SLC25A21: variants seen among roughly 807,000 people sequenced by gnomAD.
The protein encoded by SLC25A21 is solute carrier family 25 member 21, also known as mitochondrial 2-oxodicarboxylate carrier.
In SLC25A21, 47 loss-of-function variants were observed where a neutral mutation model predicts 43.8. The ratio of observed to expected loss-of-function variants is 1.07; its 90% confidence interval spans 0.85 to 1.37. The LOEUF (loss-of-function observed/expected upper bound fraction) is 1.37. Among genes scored for constraint, SLC25A21 ranks in the 40% most tolerant of loss-of-function variants. The pLI is 0.00. For missense variants in SLC25A21, 352 were observed against 350.2 expected (o/e 1.00, Z -0.04); for synonymous variants, 131 against 121.3 (o/e 1.08, Z -0.52).
At chr14:37,155,962 C>T (rs1963840994) in intron 1 of SLC25A21, among the ~76,000 whole-genome samples, 1 of 151,898 alleles carries the variant, frequency 6.6e-6, no homozygotes, top group South Asian at 2.1e-4. Context: ...AGTTTGAGAC[C>T]AGCCTGGCCA....
chr14:36,841,769 C>T (rs968629972), intron 2 of SLC25A21, among the ~76,000 whole-genome samples: 2 of 152,166 alleles, frequency 1.3e-5, no homozygotes, highest in African/African-American at 4.8e-5. Flanking sequence ...CAACAACCTC[C>T]AAAATCTGTC....
intron 1 of SLC25A21, among the ~76,000 whole-genome samples, chr14:37,077,239 G>A (rs979927218): frequency 6.6e-6 from 1 of 152,188 alleles, no homozygotes; most frequent in Admixed American, 6.5e-5. Context: ...AAAATAAACA[G>A]AAGACTTTGT....
intron 2 of SLC25A21, among the ~76,000 whole-genome samples, chr14:36,850,624 A>G (rs545581183): frequency 7.2e-5 from 11 of 152,136 alleles, no homozygotes; most frequent in Non-Finnish European, 1.3e-4. Flanking sequence ...ATCCTGGAAA[A>G]GTAGTTGATA....
intron 1 of SLC25A21, 121 bp downstream of exon 1, chr14:37,172,160 A>C: frequency 2.7e-4 from 259 of 969,006 alleles, no homozygotes; most frequent in Non-Finnish European, 3.6e-4. Context: ...CTGCTCCGGG[A>C]GCGCTGAATT....
At chr14:37,031,764 G>A (rs752668347) in intron 1 of SLC25A21, among the ~76,000 whole-genome samples, 2 of 152,156 alleles carry the variant, frequency 1.3e-5, no homozygotes, top group Non-Finnish European at 2.9e-5. Flanking sequence ...TCATTCCACA[G>A]CCATCATTTT....
At chr14:37,018,174 A>C (rs1180060004) in intron 1 of SLC25A21, among the ~76,000 whole-genome samples, 1 of 152,012 alleles carries the variant, frequency 6.6e-6, no homozygotes, top group Admixed American at 6.6e-5. Flanking sequence ...TTATAGTATA[A>C]TCTTTTCTTT....
chr14:36,861,343 G>A (rs1243725160), intron 2 of SLC25A21, among the ~76,000 whole-genome samples: 1 of 152,224 alleles, frequency 6.6e-6, no homozygotes, highest in African/African-American at 2.4e-5. Flanking sequence ...GCCTTCCGCT[G>A]TGCTAGAATC....
intron 1 of SLC25A21, among the ~76,000 whole-genome samples, chr14:37,056,216 C>T (rs994904753): frequency 8.5e-5 from 13 of 152,102 alleles, no homozygotes; most frequent in Non-Finnish European, 1.6e-4. Flanking sequence ...CTCGGCCGGG[C>T]GCTGTGGCTC....
At chr14:37,135,023 G>A (rs543543373) in intron 1 of SLC25A21, among the ~76,000 whole-genome samples, 1 of 151,842 alleles carries the variant, frequency 6.6e-6, no homozygotes, top group Admixed American at 6.6e-5. Context: ...CACCTCACAG[G>A]TTCAAGCGAT....
At chr14:36,802,582 G>T (rs919850569) in intron 3 of SLC25A21, among the ~76,000 whole-genome samples, 5 of 152,166 alleles carry the variant, frequency 3.3e-5, no homozygotes, top group African/African-American at 9.6e-5. Flanking sequence ...CTTCCAAGTG[G>T]AATTCTAATC....
chr14:36,776,400 C>G (rs1342911772), intron 3 of SLC25A21, among the ~76,000 whole-genome samples: 1 of 151,482 alleles, frequency 6.6e-6, no homozygotes, highest in East Asian at 1.9e-4. Flanking sequence ...CCATGCCAGG[C>G]TAATTTTTTT....
chr14:37,086,970 G>A (rs985253408), intron 1 of SLC25A21, among the ~76,000 whole-genome samples: 1 of 152,164 alleles, frequency 6.6e-6, no homozygotes, highest in African/African-American at 2.4e-5. Flanking sequence ...ACAAAGAAAT[G>A]ACTTTGTGAG....
chr14:37,125,725 T>C (rs1364939462), intron 1 of SLC25A21, among the ~76,000 whole-genome samples: 1 of 152,178 alleles, frequency 6.6e-6, no homozygotes, highest in Non-Finnish European at 1.5e-5. Context: ...TAAGGCAGAC[T>C]CCAAGTCCAT....
intron 3 of SLC25A21, among the ~76,000 whole-genome samples, chr14:36,773,186 GA>G (rs35175418): frequency 0.16 from 23,908 of 147,822 alleles, 2,170 homozygotes; most frequent in Middle Eastern, 0.26. Context: ...TTTCGAGAAG[GA>G]AAAAAAAAAA....
At chr14:37,153,378 G>T (rs548057335) in intron 1 of SLC25A21, among the ~76,000 whole-genome samples, 2 of 152,350 alleles carry the variant, frequency 1.3e-5, no homozygotes, top group South Asian at 4.1e-4. Context: ...CCACAGCCAG[G>T]GATAAGAAGC....
chr14:36,741,849 T>C (rs1273764064), intron 3 of SLC25A21, among the ~76,000 whole-genome samples: 1 of 152,146 alleles, frequency 6.6e-6, no homozygotes, highest in East Asian at 1.9e-4. Flanking sequence ...TTGGGGAAAT[T>C]GGAAAGCATT....
intron 1 of SLC25A21, among the ~76,000 whole-genome samples, chr14:36,949,005 A>G (rs1359947321): frequency 6.6e-6 from 1 of 152,210 alleles, no homozygotes; most frequent in Non-Finnish European, 1.5e-5. Context: ...AGAACTTACA[A>G]ATCATCTTGC....
chr14:36,754,543 G>A (rs1470008698), intron 3 of SLC25A21, among the ~76,000 whole-genome samples: 2 of 152,118 alleles, frequency 1.3e-5, no homozygotes, highest in East Asian at 3.9e-4. Flanking sequence ...AAGATTCTTG[G>A]AACCTAAGTA....
intron 1 of SLC25A21, among the ~76,000 whole-genome samples, chr14:37,105,248 T>A (rs937503905): frequency 3.3e-5 from 5 of 152,176 alleles, no homozygotes; most frequent in Non-Finnish European, 4.4e-5. Context: ...AATAATTAAA[T>A]GTGAAGTCAA....
Sources: gnomAD v4.1 joint callset for allele counts (sites outside exome capture counted in the v4.1 genomes callset) on GRCh38, gnomAD v4.1.1 for gene constraint, MANE v1.5 for transcripts, NCBI Gene and HGNC (gene_info 2026-07-23, HGNC 2026-07-21) for gene names.